The following CADPS2 variants were observed in gnomAD, a reference collection of about 807,000 sequenced individuals.
The protein encoded by CADPS2 is calcium dependent secretion activator 2.
In CADPS2, 93 loss-of-function variants were observed where a neutral mutation model predicts 172.5. That is an observed-to-expected ratio of 0.54 (90% CI 0.46 to 0.64). The LOEUF (loss-of-function observed/expected upper bound fraction) is 0.64. CADPS2 is among the 30% of genes least tolerant of loss of function. The pLI, the probability that CADPS2 is intolerant of heterozygous loss-of-function variation, is 0.00. For missense variants in CADPS2, 1,420 were observed against 1,565.9 expected (o/e 0.91, Z 1.57); for synonymous variants, 546 against 555.2 (o/e 0.98, Z 0.23).
At chr7:122,715,676 AG>A (rs1198687614) in intron 2 of CADPS2, among the ~76,000 whole-genome samples, 4 of 151,954 alleles carry the variant, frequency 2.6e-5, no homozygotes, top group African/African-American at 9.7e-5. Flanking sequence ...CACAGACACA[AG>A]GCTTAAAACC....
chr7:122,616,339 A>C (rs1332828026), intron 5 of CADPS2, among the ~76,000 whole-genome samples: 1 of 152,094 alleles, frequency 6.6e-6, no homozygotes, highest in East Asian at 1.9e-4. Flanking sequence ...GTAATACTTT[A>C]TTACAGTCAT....
At chr7:122,635,675 A>G (rs1342880047) in intron 3 of CADPS2, among the ~76,000 whole-genome samples, 1 of 152,020 alleles carries the variant, frequency 6.6e-6, no homozygotes, top group Non-Finnish European at 1.5e-5. Flanking sequence ...AATCCAGTCT[A>G]TCATTGTTGG....
At chr7:122,748,274 G>A (rs1258820891) in intron 1 of CADPS2, among the ~76,000 whole-genome samples, 1 of 152,090 alleles carries the variant, frequency 6.6e-6, no homozygotes, top group Non-Finnish European at 1.5e-5. Context: ...GACTCAATGA[G>A]GCCAAAAGAA....
Position 122,738,596 on chromosome 7 carries a change from G to C in CADPS2, c.340-1528C>G, listed in dbSNP as rs946071604. ...GTGAAGCATCTGGAAACATACTGAG[G>C]ATAAAATGATTAAAGGATTAGGAAG... On this transcript the variant is annotated intron_variant, in intron 1 of 29. Transcript: ENST00000449022. Among the ~76,000 whole-genome samples, 16 of 152,154 alleles carry C rather than the reference G, an allele frequency of 1.1e-4. No homozygotes were observed. The East Asian group carries it at 1.7e-3, about 17-fold the overall frequency.
At position 122,707,503 on chromosome 7, in the gene CADPS2, G is replaced by A. The variant is rs116907810; in HGVS notation, c.453+29452C>T. Among the ~76,000 whole-genome samples the A allele has an allele frequency of 6.1e-4, 93 of 152,024 alleles. 1 individual carries two copies. In the East Asian group the frequency reaches 0.014, roughly 22 times the overall value. Reference sequence around the variant, plus strand: ...ACAATCACATTGCACTGCTCAGATAGCATCTTTAAGATGAAAGGAAAACCA... The same window carrying A: ...ACAATCACATTGCACTGCTCAGATAACATCTTTAAGATGAAAGGAAAACCA... On this transcript the variant is annotated intron_variant, in intron 2 of 29. Coordinates refer to ENST00000449022, the MANE Select transcript of CADPS2 (RefSeq NM_017954.11).
intron 3 of CADPS2, among the ~76,000 whole-genome samples, chr7:122,643,011 T>C (rs1454981264): frequency 6.6e-6 from 1 of 152,192 alleles, no homozygotes. Flanking sequence ...AAATTTGGTG[T>C]CTTCCCTGAG....
At chr7:122,706,612 T>A (rs904692513) in intron 2 of CADPS2, among the ~76,000 whole-genome samples, 1 of 145,848 alleles carries the variant, frequency 6.9e-6, no homozygotes, top group African/African-American at 2.5e-5. Context: ...ACTTAAGAGA[T>A]AGGTTGTGTG....
chr7:122,706,642 T>C (rs1262360452), intron 2 of CADPS2, among the ~76,000 whole-genome samples: 3 of 146,238 alleles, frequency 2.1e-5, no homozygotes, highest in Non-Finnish European at 4.5e-5. Context: ...ATATATATAG[T>C]TACATGCTCT....
intron 1 of CADPS2, among the ~76,000 whole-genome samples, chr7:122,751,000 G>A (rs1394944984): frequency 1.3e-5 from 2 of 152,068 alleles, no homozygotes; most frequent in Non-Finnish European, 2.9e-5. Flanking sequence ...ACATAAAAAC[G>A]AAAAGATAAA....
intron 28 of CADPS2, among the ~76,000 whole-genome samples, chr7:122,328,719 A>C (rs2034386875): frequency 6.6e-6 from 1 of 152,176 alleles, no homozygotes; most frequent in Non-Finnish European, 1.5e-5. Flanking sequence ...TCTCTTTTAA[A>C]GCAAAAATAG....
intron 1 of CADPS2, among the ~76,000 whole-genome samples, chr7:122,771,908 G>C (rs1353869383): frequency 6.6e-6 from 1 of 152,164 alleles, no homozygotes; most frequent in Non-Finnish European, 1.5e-5. Context: ...TTTAACAATT[G>C]AACTGGCATG....
intron 1 of CADPS2, among the ~76,000 whole-genome samples, chr7:122,755,914 T>C (rs1031184516): frequency 6.6e-6 from 1 of 152,168 alleles, no homozygotes; most frequent in Non-Finnish European, 1.5e-5. Flanking sequence ...GATTCCACAT[T>C]AAATTATGTT....
intron 7 of CADPS2, among the ~76,000 whole-genome samples, chr7:122,579,071 C>T (rs966911101): frequency 9.9e-5 from 15 of 151,902 alleles, no homozygotes; most frequent in South Asian, 6.2e-4. Flanking sequence ...ATACTGAGTA[C>T]GGAAGTTGGA....
At position 122,451,403 on chromosome 7, in the gene CADPS2, G is replaced by A; in HGVS notation, c.2259C>T (p.Ser753=). Residue 753 remains serine, a synonymous_variant, in exon 15 of 30, where the codon TCC becomes TCT. Transcript: ENST00000449022. ...AATGGCTTATCTGATTTTCTAAAAG[G>A]GAAGAGAGTCTCTCTTTTATCTCCT... is the stretch of plus-strand genomic sequence containing the variant. The part of the protein sequence containing the change: ...RFEEIKERLS[S]LLENQISHFR... 6.4e-7 allele frequency: 1 copy of A among 1,560,210 alleles called. No homozygotes were observed. Among genetic ancestry groups the A allele is most frequent in the Non-Finnish European group, 8.7e-7 (1 of 1,148,240 alleles).
chr7:122,663,419 A>ATAT lies in CADPS2; in HGVS notation c.603_604insATA (p.Ser201_Ser202insIle). ...ATGGCATCATATTTGGCTATCCATG[A>ATAT]GCTCAACACTGTCTCTTTGCTCAAG... On this transcript the variant is annotated inframe_insertion, in exon 3 of 30. Coordinates refer to ENST00000449022, the MANE Select transcript of CADPS2 (RefSeq NM_017954.11). The ATAT allele has an allele frequency of 1.9e-6, 3 of 1,613,984 alleles. No homozygotes were observed. The highest frequency in any genetic ancestry group is 2.5e-6 in the Non-Finnish European group (3 of 1,179,892).
At chr7:122,749,336 C>T (rs2092850113) in intron 1 of CADPS2, among the ~76,000 whole-genome samples, 1 of 152,032 alleles carries the variant, frequency 6.6e-6, no homozygotes, top group African/African-American at 2.4e-5. Flanking sequence ...TGATTAAAAC[C>T]AAGGATTTGT....
At chr7:122,817,450 C>G (rs146409113) in intron 1 of CADPS2, among the ~76,000 whole-genome samples, 6 of 152,090 alleles carry the variant, frequency 3.9e-5, no homozygotes, top group Non-Finnish European at 7.4e-5. Flanking sequence ...CTGGGAGAGA[C>G]AAAGGCGACA....
intron 29 of CADPS2, among the ~76,000 whole-genome samples, chr7:122,324,430 T>C (rs1271127378): frequency 6.6e-6 from 1 of 152,184 alleles, no homozygotes; most frequent in Non-Finnish European, 1.5e-5. Flanking sequence ...TTAGCATGTT[T>C]TCATGTATTA....
chr7:122,541,839 TTA>T (rs1563648945), intron 8 of CADPS2, among the ~76,000 whole-genome samples: 1 of 65,142 alleles, frequency 1.5e-5, no homozygotes. Flanking sequence ...ATTCATATGT[TTA>T]TATATTCATA....
Sources: gnomAD v4.1 joint callset for allele counts (sites outside exome capture counted in the v4.1 genomes callset) on GRCh38, gnomAD v4.1.1 for gene constraint, MANE v1.5 for transcripts, NCBI Gene and HGNC (gene_info 2026-07-23, HGNC 2026-07-21) for gene names.